Variants in RAB40B observed in about 807,000 individuals in gnomAD.
RAB40B encodes the protein ras-related protein Rab-40B.
Under a neutral mutation model 24.0 loss-of-function variants are expected in RAB40B, and 21 were observed. The observed-to-expected ratio is 0.88, with a 90% confidence interval of 0.62 to 1.26. The LOEUF is 1.26. RAB40B is among the 50% of genes most tolerant of loss of function. The pLI is 0.00. For synonymous variants in RAB40B, 167 were observed against 169.8 expected, an observed-to-expected ratio of 0.98 and a Z score of 0.13; for missense variants, 348 against 390.5, an observed-to-expected ratio of 0.89 and a Z score of 0.92.
chr17:82,677,184 T>G (rs2143517654), intron 1 of RAB40B, among the ~76,000 whole-genome samples: 1 of 152,052 alleles, frequency 6.6e-6, no homozygotes, highest in Non-Finnish European at 1.5e-5. Context: ...CCTGACCTCG[T>G]GATCCACCTG....
At chr17:82,666,698 T>G (rs185588396) in intron 1 of RAB40B, among the ~76,000 whole-genome samples, 10 of 152,028 alleles carry the variant, frequency 6.6e-5, no homozygotes, top group African/African-American at 1.9e-4. Flanking sequence ...AAGAGAGGGT[T>G]TGAGTTAAGG....
At chr17:82,659,436 C>A (rs368753593) in intron 4 of RAB40B, 144 bp downstream of exon 4, 441 of 704,138 alleles carry the variant, frequency 6.3e-4, no homozygotes, top group Admixed American at 1.3e-3. Context: ...GGTGAGGCAC[C>A]CTCCTTCCTG....
chr17:82,693,603 C>T (rs1214921043), intron 1 of RAB40B, among the ~76,000 whole-genome samples: 1 of 152,188 alleles, frequency 6.6e-6, no homozygotes, highest in East Asian at 1.9e-4. Context: ...TAGGAATGTT[C>T]ATGGCAGAAC....
intron 1 of RAB40B, among the ~76,000 whole-genome samples, chr17:82,690,881 T>A (rs2451199): frequency 2.1e-5 from 3 of 142,186 alleles, no homozygotes; most frequent in Non-Finnish European, 3.1e-5. Flanking sequence ...GTGTGCACGT[T>A]TGCCCCGGGG....
rs2046389509 is a variant in RAB40B, at chr17:82,675,929, G to C, written c.143-11373C>G. 6.6e-6 allele frequency among the ~76,000 whole-genome samples: 1 copy of C among 152,072 alleles called. No homozygotes were observed. The highest frequency in any genetic ancestry group is 6.5e-5 in the Admixed American group (1 of 15,278). On this transcript the variant is annotated intron_variant, in intron 1 of 5. Transcript: ENST00000571995. The surrounding 1 kb of genome is among the most constrained non-coding windows in gnomAD (Gnocchi z 4.5). ...GGGTCCTTCTCACCAGGGGGGAGAGGTGGCAACAGTGACGACCTGAAGCCC... is the reference window on the plus strand; with the variant it reads ...GGGTCCTTCTCACCAGGGGGGAGAGCTGGCAACAGTGACGACCTGAAGCCC...
chr17:82,687,397 TCAAA>T (rs987468966), intron 1 of RAB40B, among the ~76,000 whole-genome samples: 30 of 152,134 alleles, frequency 2.0e-4, no homozygotes, highest in Non-Finnish European at 3.8e-4. Flanking sequence ...TTATTTTTAG[TCAAA>T]CAAAATGCCA....
chr17:82,679,908 G>C (rs982678036), intron 1 of RAB40B, among the ~76,000 whole-genome samples: 2 of 152,262 alleles, frequency 1.3e-5, no homozygotes, highest in African/African-American at 4.8e-5. Context: ...GCAGTCGTGG[G>C]AGGCTCACGA....
rs2046568797 is a variant in RAB40B, at chr17:82,692,530, G to A, written c.142+5925C>T. On this transcript the variant is annotated intron_variant, in intron 1 of 5. Coordinates refer to ENST00000571995, the MANE Select transcript of RAB40B (RefSeq NM_006822.3). The surrounding 1 kb of genome is among the most constrained non-coding windows in gnomAD (Gnocchi z 4.0). ...CACACAAGAGACAGGCGGGCCAACG[G>A]TGCAGACCCAGACCCACAGGCGGGC... Among the ~76,000 whole-genome samples the A allele has an allele frequency of 6.6e-6, 1 of 151,968 alleles. No homozygotes were observed. The highest frequency in any genetic ancestry group is 1.5e-5 in the Non-Finnish European group (1 of 67,970).
In RAB40B at chr17:82,679,345, A is replaced by C. The variant is rs1056165698; in HGVS notation, c.143-14789T>G. Among the ~76,000 whole-genome samples, 13 of 146,238 alleles carry C rather than the reference A, an allele frequency of 8.9e-5. No homozygotes were observed. In the East Asian group the frequency reaches 1.0e-3, roughly 12 times the overall value. On this transcript the variant is annotated intron_variant, in intron 1 of 5. Transcript: ENST00000571995. ...CGCCCAGGCTGGAGTGCAGTGGCGC[A>C]ATCTCGGCTCACTGCAAGCTCCGCC...
In RAB40B at chr17:82,657,490, T is replaced by G; in HGVS notation, c.*373A>C. 1 of 360,462 alleles carries G rather than the reference T, an allele frequency of 2.8e-6. No homozygotes were observed. Among genetic ancestry groups the G allele is most frequent in the Non-Finnish European group, 5.4e-6 (1 of 185,832 alleles). The allele number at this position is 360,462 out of a possible 1,614,324, so 22.3% of individuals were successfully genotyped here. A position where few individuals can be genotyped will look rare whatever the true frequency, so the allele number is the denominator to read the frequency against. ...GTGACTCTAAATTATCCCGCTGCCATTGCTTCTCAAATTCCATTGAATTTA... is the reference window on the plus strand; with the variant it reads ...GTGACTCTAAATTATCCCGCTGCCAGTGCTTCTCAAATTCCATTGAATTTA... On this transcript the variant is annotated 3_prime_UTR_variant, in exon 6 of 6. Coordinates refer to ENST00000571995, the MANE Select transcript of RAB40B (RefSeq NM_006822.3).
chr17:82,691,009 A>C (rs1023370061), intron 1 of RAB40B, among the ~76,000 whole-genome samples: 2 of 152,164 alleles, frequency 1.3e-5, no homozygotes, highest in African/African-American at 2.4e-5. Flanking sequence ...CGTCTCCGGG[A>C]AGAAAAGCTC....
Position 82,692,772 on chromosome 17 carries a change from C to G in RAB40B, c.142+5683G>C, listed in dbSNP as rs967303537. The stretch of plus-strand genomic sequence containing the variant: ...GACCCAAAGTCCTAACCACAAAACA[C>G]TGATAATTTGGATTATGTTAAAATT... On this transcript the variant is annotated intron_variant, in intron 1 of 5. Coordinates refer to ENST00000571995, the MANE Select transcript of RAB40B (RefSeq NM_006822.3). The surrounding 1 kb of genome is among the most constrained non-coding windows in gnomAD (Gnocchi z 4.0). Among the ~76,000 whole-genome samples, 1 of 152,062 alleles carries G rather than the reference C, an allele frequency of 6.6e-6. No individual in the cohort carries two copies. The highest frequency in any genetic ancestry group is 1.5e-5 in the Non-Finnish European group (1 of 68,026).
At position 82,667,980 on chromosome 17, in the gene RAB40B, C is replaced by A. The variant is rs1319605606; in HGVS notation, c.143-3424G>T. On this transcript the variant is annotated intron_variant, in intron 1 of 5. Transcript: ENST00000571995. The surrounding 1 kb of genome is among the most constrained non-coding windows in gnomAD (Gnocchi z 4.3). The stretch of plus-strand genomic sequence containing the variant: ...GGCCTTTGGGATGTTGCTCTTCCGG[C>A]TGGAAACCTCTGTGGCTGCTGAATT... 6.6e-6 allele frequency among the ~76,000 whole-genome samples: 1 copy of A among 152,158 alleles called. No homozygotes were observed. The highest frequency in any genetic ancestry group is 1.5e-5 in the Non-Finnish European group (1 of 68,028).
intron 1 of RAB40B, among the ~76,000 whole-genome samples, chr17:82,684,459 A>C (rs1260073053): frequency 1.3e-5 from 2 of 152,208 alleles, no homozygotes; most frequent in Non-Finnish European, 2.9e-5. Flanking sequence ...AAATAAAAAC[A>C]AGTTCGCACA....
chr17:82,679,021 T>C (rs1025420594), intron 1 of RAB40B, among the ~76,000 whole-genome samples: 1 of 151,008 alleles, frequency 6.6e-6, no homozygotes, highest in East Asian at 2.0e-4. Flanking sequence ...TAGCTGGGAC[T>C]ACAGGCACCT....
intron 1 of RAB40B, among the ~76,000 whole-genome samples, chr17:82,690,680 A>T (rs559987919): frequency 6.8e-6 from 1 of 147,824 alleles, no homozygotes; most frequent in Admixed American, 6.7e-5. Context: ...ACGTGTGTGC[A>T]GGGGAAGATC....
intron 1 of RAB40B, among the ~76,000 whole-genome samples, chr17:82,688,717 T>A (rs902823325): frequency 1.1e-4 from 16 of 151,376 alleles, no homozygotes; most frequent in Non-Finnish European, 1.8e-4. Context: ...GTGGATCACC[T>A]GAGGTCAGGA....
At chr17:82,677,921 A>C (rs1048496633) in intron 1 of RAB40B, among the ~76,000 whole-genome samples, 1 of 152,174 alleles carries the variant, frequency 6.6e-6, no homozygotes, top group Admixed American at 6.5e-5. Flanking sequence ...GACCAAACTC[A>C]TTTCAAGTCT....
At position 82,664,555 on chromosome 17, in the gene RAB40B, G is replaced by A. The variant is rs2046230459; in HGVS notation, c.144C>T (p.Gly48=). ...GGATGGTGGTCGTCTTGTAGTCGAT[G>A]CCTGCGGAAGGGTTAGAGACGGCTT... ...AAESPYGHPA[G]IDYKTTTILL... The change falls in exon 2 of 6, where the codon GGC becomes GGT. Residue 48 remains glycine, a splice_region_variant and synonymous_variant. Coordinates refer to ENST00000571995, the MANE Select transcript of RAB40B (RefSeq NM_006822.3). The A allele has an allele frequency of 6.2e-7, 1 of 1,613,494 alleles. No homozygotes were observed. Among genetic ancestry groups the A allele is most frequent in the Admixed American group, 1.7e-5 (1 of 59,986 alleles).
Sources: gnomAD v4.1 joint callset for allele counts (sites outside exome capture counted in the v4.1 genomes callset) on GRCh38, gnomAD v4.1.1 for gene constraint, Gnocchi (gnomAD v3.1) non-coding constraint, MANE v1.5 for transcripts, NCBI Gene and HGNC (gene_info 2026-07-23, HGNC 2026-07-21) for gene names.